The following CAPN14 variants were observed in gnomAD, a reference collection of about 807,000 sequenced individuals.
CAPN14 encodes calpain-14.
CAPN14 carries 94 observed loss-of-function variants against 101.3 expected under a neutral mutation model. The ratio of observed to expected loss-of-function variants is 0.93; its 90% CI spans 0.79 to 1.10. The LOEUF is 1.10. CAPN14 is among the 50% of genes least tolerant of loss of function. The pLI, the probability that CAPN14 is intolerant of heterozygous loss-of-function variation, is 0.00. For synonymous variants in CAPN14, 338 were observed against 317.9 expected (o/e 1.06, Z -0.67); for missense variants, 837 against 828.4 (o/e 1.01, Z -0.13).
In CAPN14 at chr2:31,191,468, G is replaced by A. The variant is rs75733481; in HGVS notation, c.1279-61C>T. On this transcript the variant is annotated intron_variant, in intron 11 of 21. Coordinates refer to ENST00000403897, the MANE Select transcript of CAPN14 (RefSeq NM_001145122.2). ...AAAGAGGAGAGAGAGATCTCATTAA[G>A]CAGGGAATCTGGCTCTTTCATAAAC... 240 of 1,484,844 alleles carry A rather than the reference G, an allele frequency of 1.6e-4. 2 individuals are homozygous for A. The African/African-American group carries it at 3.2e-3, about 20-fold the overall frequency. 92.0% of individuals were successfully genotyped at this position (1,484,844 alleles called of 1,614,324 possible).
At chr2:31,218,030 T>C (rs1682730488), upstream of CAPN14, among the ~76,000 whole-genome samples, 1 of 152,162 alleles carries the variant, frequency 6.6e-6, no homozygotes, top group Non-Finnish European at 1.5e-5. Context: ...GATTCATTTG[T>C]GCTATTGAGA....
At chr2:31,217,806 T>C (rs189371265), upstream of CAPN14, among the ~76,000 whole-genome samples, 1 of 152,146 alleles carries the variant, frequency 6.6e-6, no homozygotes, top group African/African-American at 2.4e-5. Flanking sequence ...GAAAAGCATT[T>C]CACTGCAGGA....
intron 17 of CAPN14, 88 bp downstream of exon 17, chr2:31,180,848 G>C: frequency 2.7e-6 from 3 of 1,106,866 alleles, no homozygotes; most frequent in South Asian, 1.4e-5. Flanking sequence ...AGCAAGGATT[G>C]GGGTTGGGAT....
intron 15 of CAPN14, among the ~76,000 whole-genome samples, chr2:31,187,547 A>AC (rs1390468071): frequency 6.6e-6 from 1 of 152,220 alleles, no homozygotes; most frequent in Non-Finnish European, 1.5e-5. Context: ...AGAACAGAGA[A>AC]TCATTTTACA....
At chr2:31,175,745 G>T (rs1358896221) in intron 21 of CAPN14, among the ~76,000 whole-genome samples, 1 of 152,174 alleles carries the variant, frequency 6.6e-6, no homozygotes, top group East Asian at 1.9e-4. Flanking sequence ...CCATAAAATG[G>T]ACATTTGAGA....
At chr2:31,181,072 G>C (rs1215322331) in intron 16 of CAPN14, 72 bp from the exon 17 acceptor site, 3 of 1,306,658 alleles carry the variant, frequency 2.3e-6, no homozygotes, top group Non-Finnish European at 3.2e-6. Context: ...AGCAGGAAGA[G>C]GCAGTGCTGC....
chr2:31,226,879 C>T (rs1468429578), intron 1 of CAPN14, among the ~76,000 whole-genome samples: 1 of 152,090 alleles, frequency 6.6e-6, no homozygotes, highest in Non-Finnish European at 1.5e-5. Flanking sequence ...AAGCTGCCTC[C>T]CACTTTTTGT....
chr2:31,221,332 T>C (rs1273087461), upstream of CAPN14, among the ~76,000 whole-genome samples: 1 of 152,236 alleles, frequency 6.6e-6, no homozygotes, highest in East Asian at 1.9e-4. Flanking sequence ...CTGTGAGCCA[T>C]GCCAATCAGG....
At position 31,230,442 on chromosome 2, in the gene CAPN14, T is replaced by A. The variant is rs1683155905; in HGVS notation, c.-177+3349A>T. On this transcript the variant is annotated intron_variant and NMD_transcript_variant, in intron 1 of 21. Coordinates refer to the CAPN14 transcript ENST00000398824. The surrounding 1 kb of genome is among the most constrained non-coding windows in gnomAD (Gnocchi z 4.3). Reference sequence around the variant, plus strand: ...GCTTCACTAAGCAATGCCAAACTGTTTCCCAAAGTATTTGTGCCAGCCTGC... The same window carrying A: ...GCTTCACTAAGCAATGCCAAACTGTATCCCAAAGTATTTGTGCCAGCCTGC... 6.6e-6 allele frequency among the ~76,000 whole-genome samples: 1 copy of A among 152,224 alleles called. No homozygotes were observed. The highest frequency in any genetic ancestry group is 2.1e-4 in the South Asian group (1 of 4,836).
intron 2 of CAPN14, among the ~76,000 whole-genome samples, chr2:31,226,113 C>A (rs1034052669): frequency 1.3e-5 from 2 of 152,140 alleles, no homozygotes; most frequent in African/African-American, 4.8e-5. Flanking sequence ...AATAATTTAT[C>A]TTTAAGATTT....
chr2:31,198,893 C>T (rs1031879068), intron 7 of CAPN14, among the ~76,000 whole-genome samples: 1 of 152,232 alleles, frequency 6.6e-6, no homozygotes, highest in Non-Finnish European at 1.5e-5. Context: ...CTTCTGACTT[C>T]TCCCCAGCCC....
rs1422112554 is a variant in CAPN14 at position 31,191,988 on chromosome 2, G to C, written c.1225C>G (p.His409Asp). 3.2e-6 allele frequency: 5 copies of C among 1,551,662 alleles called. No individual in the cohort carries two copies. The highest frequency in any genetic ancestry group is 4.4e-6 in the Non-Finnish European group (5 of 1,146,968). Residue 409 changes from histidine to aspartate, a missense_variant, in exon 11 of 22, where the codon CAC (histidine) becomes GAC (aspartate). By Grantham distance (81) the His-to-Asp change is moderately conservative. Transcript: ENST00000403897. ...VLVSLLQKPR[H>D]RCRKRKPLLA... ...AGAGGCTTCCGCTTGCGGCACCTGT[G>C]CCTGGGCTTCTGGAGCAGGGACACC...
At chr2:31,219,637 C>A (rs1018282042), upstream of CAPN14, among the ~76,000 whole-genome samples, 2 of 152,182 alleles carry the variant, frequency 1.3e-5, no homozygotes, top group Non-Finnish European at 2.9e-5. Context: ...AGTTCTAAGT[C>A]CTGGAGGCAA....
intron 7 of CAPN14, among the ~76,000 whole-genome samples, chr2:31,198,679 T>C (rs1404653059): frequency 6.6e-6 from 1 of 152,176 alleles, no homozygotes; most frequent in African/African-American, 2.4e-5. Flanking sequence ...GTCCAAGAAA[T>C]TTGAAACAGA....
Position 31,174,669 on chromosome 2 carries a change from G to T in CAPN14, c.*12C>A. The T allele has an allele frequency of 6.4e-7, 1 of 1,551,574 alleles. No individual in the cohort carries two copies. Among genetic ancestry groups the T allele is most frequent in the Non-Finnish European group, 8.7e-7 (1 of 1,146,962 alleles). On this transcript the variant is annotated 3_prime_UTR_variant, in exon 22 of 22. Coordinates refer to ENST00000403897, the MANE Select transcript of CAPN14 (RefSeq NM_001145122.2). ...CAGAGTCTTCAGTGAGGGCAGGTGA[G>T]ACTCAGCCTTCTCAGGAGTACAGTG... is the stretch of plus-strand genomic sequence containing the variant.
In CAPN14 at chr2:31,205,821, G is replaced by A. The variant is rs559199177; in HGVS notation, c.-52-322C>T. 4.9e-4 allele frequency among the ~76,000 whole-genome samples: 75 copies of A among 152,118 alleles called. No individual in the cohort carries two copies. The Middle Eastern group carries it at 0.017, about 34-fold the overall frequency. On this transcript the variant is annotated intron_variant, in intron 1 of 21. Transcript: ENST00000403897. ...CCTTCTGCTTAGTGGGGAGGCAGGA[G>A]AAGAGAAGCAGGAAGCTGGAGCTCA...
rs759756059 is a variant in CAPN14 at position 31,173,915 on chromosome 2, TAGAC to T, written c.*762_*765del. On this transcript the variant is annotated 3_prime_UTR_variant, in exon 22 of 22. Coordinates refer to ENST00000403897, the MANE Select transcript of CAPN14 (RefSeq NM_001145122.2). ...GTTTGTTTTTGTCCTTTGAAGTAGA[TAGAC>T]AGAGAATTTCTGGACAGATTTGAAA... The T allele has an allele frequency of 2.6e-4, 40 of 152,326 alleles. 1 individual carries two copies. The highest frequency in any genetic ancestry group is 1.5e-3 in the East Asian group (8 of 5,178). The allele number at this position is 152,326 out of a possible 1,614,324, so 9.4% of individuals were successfully genotyped here.
chr2:31,193,022 C>CT, intron 10 of CAPN14, 109 bp downstream of exon 10: 1 of 1,117,750 alleles, frequency 8.9e-7, no homozygotes, highest in Admixed American at 2.2e-5. Context: ...GCAGAGCCTC[C>CT]TCCCCACTCA....
At chr2:31,217,336 T>A (rs1490119491) in intron 1 of CAPN14, 120 bp downstream of exon 1, 1 of 152,228 alleles carries the variant, frequency 6.6e-6, no homozygotes, top group Non-Finnish European at 1.5e-5. Flanking sequence ...TACACTCACC[T>A]GCAAAGCTCA....
Sources: gnomAD v4.1 joint callset for allele counts (sites outside exome capture counted in the v4.1 genomes callset) on GRCh38, gnomAD v4.1.1 for gene constraint, Gnocchi (gnomAD v3.1) non-coding constraint, MANE v1.5 for transcripts, NCBI Gene and HGNC (gene_info 2026-07-23, HGNC 2026-07-21) for gene names.